Variants in SOX5 observed in about 807,000 individuals in gnomAD.
SOX5 encodes SRY-box transcription factor 5, also known as transcription factor SOX-5.
SOX5 carries 9 observed loss-of-function variants against 92.0 expected under a neutral mutation model. The ratio of observed to expected loss-of-function variants is 0.10; its 90% confidence interval spans 0.06 to 0.17. The LOEUF is 0.17. Ranked by LOEUF, SOX5 falls within the 10% of genes least tolerant of loss-of-function variation. The pLI is 1.00. For synonymous variants in SOX5, 344 were observed against 336.3 expected (o/e 1.02, Z -0.25); for missense variants, 642 against 944.5 (o/e 0.68, Z 4.20).
At chr12:23,666,178 G>C (rs561046903) in intron 6 of SOX5, among the ~76,000 whole-genome samples, 58 of 151,418 alleles carry the variant, frequency 3.8e-4, no homozygotes, top group Middle Eastern at 3.4e-3. Context: ...CACAGAATTA[G>C]TTAGAACTGG....
At chr12:23,810,159 A>G in intron 3 of SOX5, among the ~76,000 whole-genome samples, 1 of 152,162 alleles carries the variant, frequency 6.6e-6, no homozygotes, top group East Asian at 1.9e-4. Context: ...TCTTTATGAT[A>G]TCTCGCCTTT....
chr12:24,200,136 G>T (rs549207468), intron 4 of SOX5, among the ~76,000 whole-genome samples: 8 of 152,140 alleles, frequency 5.3e-5, no homozygotes, highest in African/African-American at 1.9e-4. Flanking sequence ...TCTCATATGT[G>T]TCATAAGGCA....
chr12:24,216,013 T>C (rs1280299304), intron 3 of SOX5, among the ~76,000 whole-genome samples: 1 of 152,112 alleles, frequency 6.6e-6, no homozygotes, highest in Admixed American at 6.5e-5. Flanking sequence ...GGAAGAATAG[T>C]TGTCATATAA....
intron 6 of SOX5, among the ~76,000 whole-genome samples, chr12:23,689,285 T>C (rs960754161): frequency 4.0e-5 from 6 of 151,494 alleles, no homozygotes; most frequent in Admixed American, 1.3e-4. Flanking sequence ...AATTAGATTT[T>C]TTTGTTGTTG....
intron 4 of SOX5, among the ~76,000 whole-genome samples, chr12:24,024,112 T>C (rs1213528794): frequency 6.6e-6 from 1 of 152,010 alleles, no homozygotes; most frequent in Non-Finnish European, 1.5e-5. Context: ...TAGCCTAAGA[T>C]AGGTTATTTT....
At chr12:23,970,765 C>T (rs1185432501) in intron 4 of SOX5, among the ~76,000 whole-genome samples, 4 of 135,302 alleles carry the variant, frequency 3.0e-5, no homozygotes, top group Non-Finnish European at 6.3e-5. Context: ...CCACTGGTGT[C>T]CCTGTTTGCA....
chr12:24,004,266 C>A (rs1481065887), intron 4 of SOX5, among the ~76,000 whole-genome samples: 1 of 148,958 alleles, frequency 6.7e-6, no homozygotes, highest in East Asian at 2.0e-4. Context: ...ATAAAAACAA[C>A]TGATAAACTG....
chr12:23,769,754 A>G (rs528762858), intron 3 of SOX5, among the ~76,000 whole-genome samples: 2 of 152,266 alleles, frequency 1.3e-5, no homozygotes, highest in East Asian at 3.9e-4. Flanking sequence ...TCAGGAAGTA[A>G]AGGTCTCTGA....
chr12:24,178,541 A>G (rs1484425743), intron 4 of SOX5, among the ~76,000 whole-genome samples: 2 of 152,148 alleles, frequency 1.3e-5, no homozygotes, highest in East Asian at 3.8e-4. Context: ...AGAAATACAG[A>G]TTTTTATGTG....
chr12:24,029,776 T>C (rs541557234), intron 4 of SOX5, among the ~76,000 whole-genome samples: 9 of 152,164 alleles, frequency 5.9e-5, no homozygotes, highest in African/African-American at 1.9e-4. Context: ...CCCTAACAAA[T>C]TTCAAAATAT....
intron 3 of SOX5, among the ~76,000 whole-genome samples, chr12:24,247,093 G>C (rs1229094445): frequency 6.6e-6 from 1 of 152,186 alleles, no homozygotes; most frequent in East Asian, 1.9e-4. Flanking sequence ...AGATGTCACA[G>C]AAGGGGCATT....
At chr12:24,141,397 G>T (rs1950568642) in intron 4 of SOX5, among the ~76,000 whole-genome samples, 2 of 152,202 alleles carry the variant, frequency 1.3e-5, no homozygotes, top group Admixed American at 1.3e-4. Context: ...TTGACAGGAA[G>T]TTAGAAGGTT....
intron 13 of SOX5, among the ~76,000 whole-genome samples, chr12:23,540,364 A>T (rs1453773424): frequency 2.4e-5 from 1 of 42,454 alleles, no homozygotes; most frequent in Admixed American, 2.3e-4. Flanking sequence ...CTTAAAGTAT[A>T]ATAATAATAA....
chr12:24,343,944 A>C (rs1952880622), intron 2 of SOX5, among the ~76,000 whole-genome samples: 1 of 152,168 alleles, frequency 6.6e-6, no homozygotes, highest in Admixed American at 6.5e-5. Flanking sequence ...TGGATGACTT[A>C]AGAATGTAGG....
At chr12:24,167,881 G>C (rs1593839141) in intron 4 of SOX5, among the ~76,000 whole-genome samples, 1 of 152,330 alleles carries the variant, frequency 6.6e-6, no homozygotes, top group East Asian at 1.9e-4. Flanking sequence ...GGCTGAGAGA[G>C]AGAAAGGGAA....
chr12:23,732,755 A>G (rs2093437870), intron 6 of SOX5, among the ~76,000 whole-genome samples: 1 of 152,164 alleles, frequency 6.6e-6, no homozygotes, highest in Non-Finnish European at 1.5e-5. Context: ...ACTCCACAAA[A>G]GTTCTATTAT....
intron 3 of SOX5, among the ~76,000 whole-genome samples, chr12:23,798,613 A>C (rs1180933676): frequency 6.6e-6 from 1 of 151,644 alleles, no homozygotes; most frequent in African/African-American, 2.4e-5. Context: ...AAAAAAAAAA[A>C]AAACCAGTTC....
At chr12:24,232,887 G>C (rs1963694121) in intron 3 of SOX5, among the ~76,000 whole-genome samples, 1 of 152,148 alleles carries the variant, frequency 6.6e-6, no homozygotes. Flanking sequence ...ATCTGTCAAT[G>C]CTATGCCCAC....
At chr12:23,752,056 G>C (rs1383114033) in intron 4 of SOX5, among the ~76,000 whole-genome samples, 1 of 151,180 alleles carries the variant, frequency 6.6e-6, no homozygotes, top group African/African-American at 2.4e-5. Flanking sequence ...CCGTGACCAG[G>C]GTCAGAAGAA....
Sources: gnomAD v4.1 joint callset for allele counts (sites outside exome capture counted in the v4.1 genomes callset) on GRCh38, gnomAD v4.1.1 for gene constraint, MANE v1.5 for transcripts, NCBI Gene and HGNC (gene_info 2026-07-23, HGNC 2026-07-21) for gene names.